Variants in MYH9 observed in about 807,000 individuals in gnomAD.
The protein encoded by MYH9 is myosin-9.
In MYH9, 29 loss-of-function variants were observed where a neutral mutation model predicts 241.9. The ratio of observed to expected loss-of-function variants is 0.12; its 90% CI spans 0.09 to 0.16. The LOEUF (loss-of-function observed/expected upper bound fraction) is 0.16, where lower values mean the gene tolerates loss of function less well. Ranked by LOEUF, MYH9 falls within the 10% of genes least tolerant of loss-of-function variation. The probability of loss-of-function intolerance (pLI) is 1.00; values close to 1 mark genes in which losing one functional copy is unlikely to be tolerated. For missense variants in MYH9, 1,803 were observed against 2,595.5 expected, an observed-to-expected ratio of 0.69 and a Z score of 6.63; for synonymous variants, 1,047 against 1,062.6, an observed-to-expected ratio of 0.99 and a Z score of 0.29.
rs573997272 is a variant in MYH9, at chr22:36,306,308, G to A, written c.2037+106C>T. On this transcript the variant is annotated intron_variant, in intron 16 of 40. Coordinates refer to ENST00000216181, the MANE Select transcript of MYH9 (RefSeq NM_002473.6). This position sits in a 1 kb window ranked among gnomAD's most constrained non-coding sequence, Gnocchi z 4.1. ...CTGCAGAGAAACGACTGAAGGCTCT[G>A]TGCATGCTGGGGGGCTGGAGGGGTG... 4 of 1,445,978 alleles carry A rather than the reference G, an allele frequency of 2.8e-6. No homozygotes were observed. The highest frequency in any genetic ancestry group is 2.4e-5 in the East Asian group (1 of 41,602). 89.6% of individuals were successfully genotyped at this position (1,445,978 alleles called of 1,614,324 possible). A position where few individuals can be genotyped will look rare whatever the true frequency, so the allele number is the denominator to read the frequency against.
In MYH9 at chr22:36,293,824, C is replaced by G. The variant is rs778278736; in HGVS notation, c.3877G>C (p.Asp1293His). ...DNVTGLLSQS[D>H]SKSSKLTKDF... ...TTGGTGAGCTTGCTGGACTTGCTGT[C>G]GGACTGGCTGAGAAGCCCGGTCACG... is the stretch of plus-strand genomic sequence containing the variant. The change falls in exon 29 of 41, where the codon GAC (aspartate) becomes CAC (histidine). Residue 1293 changes from aspartate to histidine, a missense_variant. By Grantham distance (81) the Asp-to-His change is moderately conservative. This residue lies in a region of MYH9 where 876 missense variants were observed against 1,077.8 expected (regional missense o/e 0.81). Transcript: ENST00000216181. The surrounding 1 kb of genome is among the most constrained non-coding windows in gnomAD (Gnocchi z 5.1). The G allele has an allele frequency of 1.2e-6, 2 of 1,613,856 alleles. No homozygotes were observed. The highest frequency in any genetic ancestry group is 2.7e-5 in the African/African-American group (2 of 75,042).
chr22:36,341,930 A>C (rs543385708), intron 2 of MYH9, among the ~76,000 whole-genome samples: 3 of 152,274 alleles, frequency 2.0e-5, no homozygotes, highest in Non-Finnish European at 4.4e-5. Context: ...GCAGCGCAGC[A>C]AACTGTAGAA....
rs1380642194 is a variant in MYH9, at chr22:36,329,566, C to CGAGTGCTGG, written c.491-2087_491-2079dup. 2.0e-5 allele frequency among the ~76,000 whole-genome samples: 3 copies of CGAGTGCTGG among 152,198 alleles called. No individual in the cohort carries two copies. Among genetic ancestry groups the CGAGTGCTGG allele is most frequent in the Admixed American group, 2.0e-4 (3 of 15,280 alleles). On this transcript the variant is annotated intron_variant, in intron 3 of 40. Transcript: ENST00000216181. This position sits in a 1 kb window ranked among gnomAD's most constrained non-coding sequence, Gnocchi z 4.1. ...CTACTAGCAGGCAAGAATGTACCTG[C>CGAGTGCTGG]GAGTGCTGGCAAGTCGTGAGCAGCC...
At chr22:36,322,788 C>T (rs965173201) in intron 5 of MYH9, among the ~76,000 whole-genome samples, 2 of 152,250 alleles carry the variant, frequency 1.3e-5, no homozygotes, top group Non-Finnish European at 2.9e-5. Flanking sequence ...GAAGCTCCCT[C>T]AGCTCTAGGA....
chr22:36,359,602 T>C lies in MYH9; in HGVS notation c.-19-10347A>G, dbSNP rs530553341. ...GAGGATAATTTACTGGTTTTACATATAGTTCAACCATCTCTGTTTTCTAGA... is the reference window on the plus strand; with the variant it reads ...GAGGATAATTTACTGGTTTTACATACAGTTCAACCATCTCTGTTTTCTAGA... On this transcript the variant is annotated intron_variant, in intron 1 of 40. Transcript: ENST00000216181. 5.9e-5 allele frequency among the ~76,000 whole-genome samples: 9 copies of C among 152,366 alleles called. No homozygotes were observed. The South Asian group carries it at 1.9e-3, about 32-fold the overall frequency.
At chr22:36,290,956 G>T (rs565253341) in intron 31 of MYH9, among the ~76,000 whole-genome samples, 3 of 150,440 alleles carry the variant, frequency 2.0e-5, no homozygotes, top group Non-Finnish European at 3.0e-5. Flanking sequence ...CCCTGCAGCC[G>T]CCCCGTCTGA....
chr22:36,348,797 C>T, intron 2 of MYH9, 107 bp downstream of exon 2: 1 of 1,119,944 alleles, frequency 8.9e-7, no homozygotes, highest in Non-Finnish European at 1.3e-6. Context: ...CCCTTCTCAA[C>T]CAGAGAGCCA....
chr22:36,354,695 C>A (rs1473727646), intron 1 of MYH9, among the ~76,000 whole-genome samples: 1 of 151,056 alleles, frequency 6.6e-6, no homozygotes, highest in East Asian at 2.0e-4. Context: ...CTGCCTGCCT[C>A]GGCCTCCCAA....
chr22:36,339,980 T>A (rs933764158), intron 3 of MYH9, among the ~76,000 whole-genome samples: 8 of 152,040 alleles, frequency 5.3e-5, no homozygotes, highest in Admixed American at 1.3e-4. Flanking sequence ...AATGCTTCAG[T>A]CATGTTTTTA....
chr22:36,318,157 G>A lies in MYH9; in HGVS notation c.1227+50C>T, dbSNP rs764960827. ...CAACAGCCTCAACTGTGCTGCTGCA[G>A]GGACATTCACCCAGGAGGCAGCCAG... On this transcript the variant is annotated intron_variant, in intron 11 of 40. Transcript: ENST00000216181. 3 of 1,506,934 alleles carry A rather than the reference G, an allele frequency of 2.0e-6. 1 individual carries two copies. In the South Asian group the frequency reaches 3.4e-5, roughly 17 times the overall value. 93.3% of individuals were successfully genotyped at this position (1,506,934 alleles called of 1,614,324 possible). A position where few individuals can be genotyped will look rare whatever the true frequency, so the allele number is the denominator to read the frequency against.
At chr22:36,287,477 C>T (rs1448651975) in intron 34 of MYH9, among the ~76,000 whole-genome samples, 1 of 151,862 alleles carries the variant, frequency 6.6e-6, no homozygotes, top group Non-Finnish European at 1.5e-5. Flanking sequence ...GGCGCAGTGG[C>T]TCATGCTTGT....
At chr22:36,286,637 C>T (rs936914908) in intron 35 of MYH9, 81 bp downstream of exon 35, 1 of 1,592,942 alleles carries the variant, frequency 6.3e-7, no homozygotes, top group Non-Finnish European at 8.5e-7. Context: ...GGACTCCAGC[C>T]CTGTCCTCAG....
intron 3 of MYH9, among the ~76,000 whole-genome samples, chr22:36,332,276 A>G: frequency 6.6e-6 from 1 of 152,340 alleles, no homozygotes. Context: ...TGGGAGGCAA[A>G]CAGAGAGGTG....
chr22:36,291,674 T>TA (rs2016705647), intron 31 of MYH9, among the ~76,000 whole-genome samples: 3 of 35,388 alleles, frequency 8.5e-5, no homozygotes, highest in Non-Finnish European at 1.8e-4. Flanking sequence ...GAATGATCAA[T>TA]AAAAAAATTA....
chr22:36,304,726 G>A (rs1392975772), intron 18 of MYH9, among the ~76,000 whole-genome samples: 3 of 152,202 alleles, frequency 2.0e-5, no homozygotes, highest in Non-Finnish European at 4.4e-5. Flanking sequence ...GTGGAGTCAG[G>A]CCCGTGAGCA....
Position 36,320,852 on chromosome 22 carries a change from G to A in MYH9, c.814C>T (p.Arg272Trp). 1 of 1,614,068 alleles carries A rather than the reference G, an allele frequency of 6.2e-7. No homozygotes were observed. The highest frequency in any genetic ancestry group is 1.1e-5 in the South Asian group (1 of 91,076). Residue 272 changes from arginine to tryptophan, a missense_variant, in exon 8 of 41, where the codon CGG (arginine) becomes TGG (tryptophan). Transcript: ENST00000216181. This position sits in a 1 kb window ranked among gnomAD's most constrained non-coding sequence, Gnocchi z 4.8. ...AGATAATAGAAGATGTGGAAGGTCC[G>A]TTCTTCCTTGGCTTGGCGGATAGCA... ...SRAIRQAKEERTFHIFYYLLS... is the reference protein window; with the variant it reads ...SRAIRQAKEEWTFHIFYYLLS...
intron 2 of MYH9, among the ~76,000 whole-genome samples, chr22:36,344,246 G>A (rs547422846): frequency 2.0e-5 from 3 of 152,360 alleles, no homozygotes; most frequent in African/African-American, 4.8e-5. Flanking sequence ...ACGACACGGC[G>A]CTGCTCCATT....
chr22:36,292,383 T>G, intron 30 of MYH9, 149 bp from the exon 31 acceptor site: 8 of 1,032,258 alleles, frequency 7.8e-6, no homozygotes, highest in African/African-American at 1.6e-5. Context: ...CCCCAGTCAC[T>G]TCCCTCTCCA....
intron 31 of MYH9, among the ~76,000 whole-genome samples, chr22:36,289,649 G>A (rs900260314): frequency 6.6e-6 from 1 of 152,212 alleles, no homozygotes; most frequent in African/African-American, 2.4e-5. Flanking sequence ...GCATTTGGTT[G>A]GCACTTTTCA....
Sources: allele counts gnomAD v4.1 joint callset (sites outside exome capture counted in the v4.1 genomes callset), GRCh38; gene constraint gnomAD v4.1.1; regional missense constraint gnomAD v4.1.1; non-coding constraint Gnocchi (gnomAD v3.1); transcripts MANE v1.5; gene names NCBI Gene and HGNC (gene_info 2026-07-23, HGNC 2026-07-21).